The following SLC18A1 variants were observed in gnomAD, a reference collection of about 807,000 sequenced individuals.
SLC18A1 encodes the protein solute carrier family 18 member A1, also known as chromaffin granule amine transporter.
SLC18A1 carries 69 observed loss-of-function variants against 53.7 expected under a neutral mutation model. The observed-to-expected ratio is 1.28, with a 90% CI of 1.06 to 1.57. The LOEUF (loss-of-function observed/expected upper bound fraction) is 1.57, where lower values mean the gene tolerates loss of function less well. Among genes scored for constraint, SLC18A1 ranks in the 40% most tolerant of loss-of-function variants. SLC18A1 has a pLI of 0.00. For missense variants in SLC18A1, 932 were observed against 668.1 expected (o/e 1.40, Z -4.35); for synonymous variants, 320 against 248.1 (o/e 1.29, Z -2.72).
intron 10 of SLC18A1, among the ~76,000 whole-genome samples, chr8:20,161,913 G>A (rs1375050245): frequency 1.3e-5 from 2 of 152,136 alleles, no homozygotes; most frequent in African/African-American, 4.8e-5. Context: ...CACCATGCTG[G>A]TGCCCCTACA....
In SLC18A1 at chr8:20,178,504, A is replaced by G. The variant is rs968000090; in HGVS notation, c.489-11T>C. On this transcript the variant is annotated splice_polypyrimidine_tract_variant and intron_variant, in intron 3 of 15. Coordinates refer to ENST00000276373, the MANE Select transcript of SLC18A1 (RefSeq NM_003053.4). ...ATATGATATCCAATCCTAAAAGGGA[A>G]TTGAAAAAAAAAAAGATACAATTCC... The G allele has an allele frequency of 6.6e-7, 1 of 1,520,974 alleles. No individual in the cohort carries two copies. The highest frequency in any genetic ancestry group is 1.8e-5 in the Admixed American group (1 of 54,460). The allele number at this position is 1,520,974 out of a possible 1,614,324, so 94.2% of individuals were successfully genotyped here.
Position 20,179,221 on chromosome 8 carries a change from C to T in SLC18A1, c.388G>A (p.Gly130Ser). ...CGGGTAATCTCTTCCTCCAAGAAAC[C>T]TGTGCCTTGCAAGCAGTTGTTTTTA... ...AHKNNCLQGT[G>S]FLEEEITRVG... Residue 130 changes from glycine to serine, a missense_variant, in exon 3 of 16, where the codon GGT becomes AGT. Gly to Ser is a moderately conservative substitution (Grantham distance 56). Transcript: ENST00000276373. 6.2e-7 allele frequency: 1 copy of T among 1,614,166 alleles called. No homozygotes were observed. The highest frequency in any genetic ancestry group is 1.7e-5 in the Admixed American group (1 of 60,026).
chr8:20,166,666 A>T (rs984095752), intron 8 of SLC18A1, among the ~76,000 whole-genome samples: 1 of 151,332 alleles, frequency 6.6e-6, no homozygotes, highest in African/African-American at 2.5e-5. Context: ...AATGTCCTAT[A>T]TATTAAAAAA....
At position 20,179,308 on chromosome 8, in the gene SLC18A1, C is replaced by G. The variant is rs17222218; in HGVS notation, c.301G>C (p.Ala101Pro). The part of the protein sequence containing the change: ...AVEESVPSGI[A>P]WMNDTASTIP... ...GTGCTGGCAGTGTCATTCATCCATG[C>G]TATTCCACTAGGTACGCTTTCTTCA... is the stretch of plus-strand genomic sequence containing the variant. The change falls in exon 3 of 16, where the codon GCA (alanine) becomes CCA (proline). Residue 101 changes from alanine (A) to proline (P), a missense_variant. By Grantham distance (27) the Ala-to-Pro change is conservative. Coordinates refer to ENST00000276373, the MANE Select transcript of SLC18A1 (RefSeq NM_003053.4). 3.9e-3 allele frequency: 6,297 copies of G among 1,614,190 alleles called. 230 individuals carry two copies. In the African/African-American group the frequency reaches 0.076, roughly 19 times the overall value.
At chr8:20,153,771 C>A (rs2128869817) in intron 10 of SLC18A1, among the ~76,000 whole-genome samples, 1 of 152,100 alleles carries the variant, frequency 6.6e-6, no homozygotes, top group African/African-American at 2.4e-5. Flanking sequence ...TGATATGGGA[C>A]TATTAGAACA....
At position 20,165,773 on chromosome 8, in the gene SLC18A1, T is replaced by TCTAC. The variant is rs1191638589; in HGVS notation, c.859-667_859-666insGTAG. The stretch of plus-strand genomic sequence containing the variant: ...TACACGTTCTGAGCTTCTCCATAGT[T>TCTAC]CCATGTTCTACCCACTCTTTAAAGT... On this transcript the variant is annotated intron_variant, in intron 8 of 15. Coordinates refer to ENST00000276373, the MANE Select transcript of SLC18A1 (RefSeq NM_003053.4). 7.9e-5 allele frequency among the ~76,000 whole-genome samples: 12 copies of TCTAC among 152,260 alleles called. No individual in the cohort carries two copies. The South Asian group carries it at 1.0e-3, about 13-fold the overall frequency.
chr8:20,147,638 A>T lies in SLC18A1; in HGVS notation c.1295T>A (p.Ile432Asn). Residue 432 changes from isoleucine to asparagine, a missense_variant, in exon 14 of 16, where the codon ATC (isoleucine) becomes AAC (asparagine). Transcript: ENST00000276373. ...GCCCATGCAAAAAGCCACATCAGCGATGGCGTAGACACTCCCATACACCGA... is the reference window on the plus strand; with the variant it reads ...GCCCATGCAAAAAGCCACATCAGCGTTGGCGTAGACACTCCCATACACCGA... ...HTSVYGSVYA[I>N]ADVAFCMGFA... The T allele has an allele frequency of 6.2e-7, 1 of 1,614,134 alleles. No individual in the cohort carries two copies.
chr8:20,146,410 G>T (rs60168576), intron 15 of SLC18A1, among the ~76,000 whole-genome samples: 2,186 of 152,162 alleles, frequency 0.014, 59 homozygotes, highest in African/African-American at 0.051. Flanking sequence ...ATTTAACAGT[G>T]GTAGTGAAAG....
intron 10 of SLC18A1, among the ~76,000 whole-genome samples, chr8:20,161,021 A>G (rs2071817414): frequency 6.6e-6 from 1 of 152,344 alleles, no homozygotes; most frequent in South Asian, 2.1e-4. Flanking sequence ...ACACTGTTGC[A>G]TTGGGGATTA....
At chr8:20,148,452 A>G (rs2071462093) in intron 12 of SLC18A1, 2 of 1,291,218 alleles carry the variant, frequency 1.5e-6, no homozygotes, top group Non-Finnish European at 2.0e-6. Context: ...TCATGGAATA[A>G]AGTTGCCTCT....
At position 20,150,714 on chromosome 8, in the gene SLC18A1, T is replaced by G. The variant is rs775657426; in HGVS notation, c.1046A>C (p.Tyr349Ser). The G allele has an allele frequency of 2.5e-6, 4 of 1,613,976 alleles. No individual in the cohort carries two copies. Among genetic ancestry groups the G allele is most frequent in the African/African-American group, 1.3e-5 (1 of 74,896 alleles). ...ACCAAAGAGGTTGGTGCCAATGAGG[T>G]AGGACACACTGGCAGGCAAGAAAGC... The part of the protein sequence containing the change: ...GLAFLPASVS[Y>S]LIGTNLFGVL... The change falls in exon 11 of 16, where the codon TAC (tyrosine) becomes TCC (serine). Residue 349 changes from tyrosine to serine, a missense_variant. Physicochemically the swap from Tyr to Ser is moderately radical, Grantham distance 144. Coordinates refer to ENST00000276373, the MANE Select transcript of SLC18A1 (RefSeq NM_003053.4).
chr8:20,157,803 G>A (rs536178238), intron 10 of SLC18A1, among the ~76,000 whole-genome samples: 4 of 152,262 alleles, frequency 2.6e-5, no homozygotes, highest in South Asian at 4.1e-4. Context: ...GGAATGGGAC[G>A]AACGGGAGAA....
chr8:20,156,388 G>C (rs2071682402), intron 10 of SLC18A1, among the ~76,000 whole-genome samples: 1 of 151,996 alleles, frequency 6.6e-6, no homozygotes, highest in African/African-American at 2.4e-5. Flanking sequence ...TCCTAACAGG[G>C]GATTTTAATC....
chr8:20,160,518 T>G (rs2071802591), intron 10 of SLC18A1, among the ~76,000 whole-genome samples: 1 of 152,014 alleles, frequency 6.6e-6, no homozygotes, highest in Admixed American at 6.6e-5. Flanking sequence ...GGATTACACA[T>G]TTTGTGACTA....
chr8:20,162,741 A>G (rs2071860454), intron 10 of SLC18A1, among the ~76,000 whole-genome samples: 4 of 152,186 alleles, frequency 2.6e-5, no homozygotes, highest in South Asian at 4.1e-4. Context: ...CCATATTTCT[A>G]TCAACATTCT....
At chr8:20,176,138 G>A (rs1485596003) in intron 4 of SLC18A1, among the ~76,000 whole-genome samples, 2 of 152,188 alleles carry the variant, frequency 1.3e-5, no homozygotes, top group Non-Finnish European at 2.9e-5. Context: ...CCCAGTGGAA[G>A]GTGTTTGGGT....
At chr8:20,150,555 C>T (rs536051180) in intron 11 of SLC18A1, 111 bp downstream of exon 11, 2 of 944,586 alleles carry the variant, frequency 2.1e-6, no homozygotes. Context: ...TCGGTGTGTA[C>T]TCATCCTAAA....
intron 15 of SLC18A1, 32 bp downstream of exon 15, chr8:20,147,226 G>C: frequency 6.4e-7 from 1 of 1,567,534 alleles, no homozygotes; most frequent in Non-Finnish European, 8.6e-7. Context: ...AAACAGAAGT[G>C]AATTTCTCTT....
intron 13 of SLC18A1, 134 bp downstream of exon 13, chr8:20,147,873 A>C (rs2071442558): frequency 2.8e-6 from 4 of 1,437,864 alleles, no homozygotes; most frequent in Non-Finnish European, 3.8e-6. Flanking sequence ...TCATCTCTCC[A>C]CAACCCTGCC....
Sources: gnomAD v4.1 joint callset for allele counts (sites outside exome capture counted in the v4.1 genomes callset) on GRCh38, gnomAD v4.1.1 for gene constraint, MANE v1.5 for transcripts, NCBI Gene and HGNC (gene_info 2026-07-23, HGNC 2026-07-21) for gene names.